Variants in CWC27 observed in about 807,000 individuals in gnomAD.
CWC27 encodes CWC27 spliceosome associated cyclophilin.
A neutral mutation model predicts 63.6 loss-of-function variants in CWC27; 47 were observed. That is an observed-to-expected ratio of 0.74 (90% CI 0.58 to 0.94). The LOEUF is 0.94. Ranked by LOEUF, CWC27 falls within the 40% of genes least tolerant of loss-of-function variation. The pLI is 0.00. For synonymous variants in CWC27, 175 were observed against 179.8 expected, an observed-to-expected ratio of 0.97 and a Z score of 0.22; for missense variants, 495 against 554.3, an observed-to-expected ratio of 0.89 and a Z score of 1.07.
chr5:64,909,222 T>C (rs919306555), intron 11 of CWC27, among the ~76,000 whole-genome samples: 1 of 152,232 alleles, frequency 6.6e-6, no homozygotes, highest in African/African-American at 2.4e-5. Flanking sequence ...CCCACTCTTC[T>C]GGCTTGTAGC....
intron 3 of CWC27, among the ~76,000 whole-genome samples, 190 bp downstream of exon 3, chr5:64,782,223 G>A (rs903708531): frequency 1.3e-5 from 2 of 151,898 alleles, no homozygotes; most frequent in Non-Finnish European, 2.9e-5. Flanking sequence ...CGAGGGGGGC[G>A]GATCACTTGA....
At chr5:64,841,433 G>A (rs929317472) in intron 10 of CWC27, among the ~76,000 whole-genome samples, 5 of 152,098 alleles carry the variant, frequency 3.3e-5, no homozygotes, top group African/African-American at 9.7e-5. Flanking sequence ...CATGAGTTTT[G>A]GAGGGGACAT....
At chr5:64,789,055 A>G in intron 7 of CWC27, 35 bp downstream of exon 7, 2 of 1,462,654 alleles carry the variant, frequency 1.4e-6, no homozygotes, top group South Asian at 1.2e-5. Flanking sequence ...CTAACTTACA[A>G]AAGAGATTGG....
At chr5:64,935,367 C>T (rs947166405) in intron 11 of CWC27, among the ~76,000 whole-genome samples, 3 of 152,142 alleles carry the variant, frequency 2.0e-5, no homozygotes, top group Non-Finnish European at 4.4e-5. Context: ...GGAATCCTTT[C>T]CCCATTGCTT....
At chr5:64,979,644 T>C (rs1295906340) in intron 13 of CWC27, among the ~76,000 whole-genome samples, 1 of 152,206 alleles carries the variant, frequency 6.6e-6, no homozygotes, top group Non-Finnish European at 1.5e-5. Flanking sequence ...TATGCATAAA[T>C]TACATGGTTC....
chr5:64,940,810 C>T (rs534786320), intron 11 of CWC27, among the ~76,000 whole-genome samples: 19 of 146,624 alleles, frequency 1.3e-4, no homozygotes, highest in African/African-American at 4.5e-4. Context: ...CCAGTGGGAG[C>T]TCCTTGAAGC....
chr5:64,924,666 T>C (rs886207132), intron 11 of CWC27, among the ~76,000 whole-genome samples: 9 of 152,172 alleles, frequency 5.9e-5, no homozygotes, highest in African/African-American at 1.4e-4. Context: ...AGGAATCCAA[T>C]TGGCCTAGCT....
chr5:64,804,333 G>T lies in CWC27; in HGVS notation c.885G>T (p.Ala295=), dbSNP rs778866747. Residue 295 remains alanine (A), a synonymous_variant, in exon 10 of 14, where the codon GCG becomes GCT. Coordinates refer to ENST00000381070, the MANE Select transcript of CWC27 (RefSeq NM_005869.4). The part of the protein sequence containing the change: ...IAKKLKKDTS[A]NVKSAGEGEV... ...AAAAATTAAAAAAGGACACAAGTGC[G>T]AATGTTAAATCAGCTGGAGAAGGAG... 6.2e-7 allele frequency: 1 copy of T among 1,612,900 alleles called. No homozygotes were observed. Among genetic ancestry groups the T allele is most frequent in the South Asian group, 1.1e-5 (1 of 90,966 alleles).
intron 10 of CWC27, among the ~76,000 whole-genome samples, chr5:64,875,496 G>A (rs1446721013): frequency 6.6e-6 from 1 of 152,078 alleles, no homozygotes; most frequent in African/African-American, 2.4e-5. Flanking sequence ...CTCCCTCATA[G>A]AATTTCTAAG....
intron 11 of CWC27, among the ~76,000 whole-genome samples, chr5:64,959,403 A>G (rs1399665056): frequency 4.6e-5 from 7 of 152,296 alleles, no homozygotes; most frequent in Middle Eastern, 3.4e-3. Context: ...TTCCCATTAT[A>G]ATTTCCACGA....
chr5:64,775,839 C>T (rs547315016), intron 2 of CWC27, among the ~76,000 whole-genome samples: 3 of 151,876 alleles, frequency 2.0e-5, no homozygotes, highest in Admixed American at 6.6e-5. Flanking sequence ...ATATCTCCAG[C>T]GGTGGCAAAT....
intron 11 of CWC27, among the ~76,000 whole-genome samples, chr5:64,940,788 A>G (rs1006881983): frequency 7.8e-6 from 1 of 128,372 alleles, no homozygotes; most frequent in African/African-American, 2.9e-5. Flanking sequence ...ATTTTATTTC[A>G]TTTTTACTTG....
intron 10 of CWC27, among the ~76,000 whole-genome samples, chr5:64,877,323 T>C (rs1020179233): frequency 1.3e-5 from 2 of 151,958 alleles, no homozygotes; most frequent in African/African-American, 4.8e-5. Context: ...GAAAGACAAA[T>C]ATCGTATATT....
intron 11 of CWC27, among the ~76,000 whole-genome samples, chr5:64,963,424 A>G (rs748378018): frequency 3.9e-5 from 6 of 152,240 alleles, no homozygotes; most frequent in Non-Finnish European, 7.3e-5. Flanking sequence ...ATTAGATACA[A>G]CTGAACAGAG....
intron 11 of CWC27, among the ~76,000 whole-genome samples, 184 bp downstream of exon 11, chr5:64,885,730 TG>T (rs1747058768): frequency 2.1e-5 from 3 of 143,388 alleles, no homozygotes; most frequent in Non-Finnish European, 4.4e-5. Context: ...TGTGTGTGTG[TG>T]TGTGTGTTTT....
intron 11 of CWC27, among the ~76,000 whole-genome samples, chr5:64,919,823 T>C (rs567514216): frequency 1.3e-5 from 2 of 152,226 alleles, no homozygotes; most frequent in Non-Finnish European, 2.9e-5. Context: ...TTGGTTGTTA[T>C]CAATGTATAG....
At chr5:64,832,951 A>G (rs774598322) in intron 10 of CWC27, among the ~76,000 whole-genome samples, 2 of 151,820 alleles carry the variant, frequency 1.3e-5, no homozygotes, top group African/African-American at 2.4e-5. Context: ...CACAGACTCT[A>G]GGACCAAACA....
chr5:65,005,446 C>T (rs1749824270), intron 13 of CWC27, among the ~76,000 whole-genome samples: 1 of 151,980 alleles, frequency 6.6e-6, no homozygotes. Context: ...CAATGGCAGA[C>T]ACAGCATGCT....
Position 64,997,569 on chromosome 5 carries a change from T to A in CWC27, c.1256+20331T>A, listed in dbSNP as rs190145830. 4.7e-4 allele frequency among the ~76,000 whole-genome samples: 72 copies of A among 152,264 alleles called. 1 individual carries two copies. The highest frequency in any genetic ancestry group is 1.7e-3 in the African/African-American group (71 of 41,574). On this transcript the variant is annotated intron_variant, in intron 13 of 13. Transcript: ENST00000381070. Reference sequence around the variant, plus strand: ...GACTGTTTTATGACCTTTTCTTAAATTAACTCATAATAACTCTCAGTGATT... The same window carrying A: ...GACTGTTTTATGACCTTTTCTTAAAATAACTCATAATAACTCTCAGTGATT...
Sources: gnomAD v4.1 joint callset for allele counts (sites outside exome capture counted in the v4.1 genomes callset) on GRCh38, gnomAD v4.1.1 for gene constraint, MANE v1.5 for transcripts, NCBI Gene and HGNC (gene_info 2026-07-23, HGNC 2026-07-21) for gene names.